Variants in LOXL4 observed in about 807,000 individuals in gnomAD.
LOXL4 encodes the protein lysyl oxidase homolog 4.
In LOXL4, 72 loss-of-function variants were observed where a neutral mutation model predicts 89.1. The ratio of observed to expected loss-of-function variants is 0.81; its 90% CI spans 0.67 to 0.98. The LOEUF (loss-of-function observed/expected upper bound fraction) is 0.98. LOXL4 is among the 50% of genes least tolerant of loss of function. LOXL4 has a pLI of 0.00. For synonymous variants in LOXL4, 355 were observed against 392.1 expected (o/e 0.91, Z 1.12); for missense variants, 984 against 1,017.5 (o/e 0.97, Z 0.45).
rs1858108969 is a variant in LOXL4, at chr10:98,248,885, T to C, written c.*36A>G. Reference sequence around the variant, plus strand: ...GGCTCCAATAAGCTGAGGTATCTGGTGTATCGGCAGCAGCTAGGAGTGTGC... The same window carrying C: ...GGCTCCAATAAGCTGAGGTATCTGGCGTATCGGCAGCAGCTAGGAGTGTGC... On this transcript the variant is annotated 3_prime_UTR_variant, in exon 15 of 15. Coordinates refer to ENST00000260702, the MANE Select transcript of LOXL4 (RefSeq NM_032211.7). 1 of 1,573,322 alleles carries C rather than the reference T, an allele frequency of 6.4e-7. No individual in the cohort carries two copies. The highest frequency in any genetic ancestry group is 1.1e-5 in the South Asian group (1 of 88,154).
At position 98,259,390 on chromosome 10, in the gene LOXL4, C is replaced by T. The variant is rs1427030196; in HGVS notation, c.701+1G>A. 1.2e-6 allele frequency: 2 copies of T among 1,613,174 alleles called. No individual in the cohort carries two copies. The highest frequency in any genetic ancestry group is 1.7e-6 in the Non-Finnish European group (2 of 1,179,834). On this transcript the variant is annotated splice_donor_variant, in intron 5 of 14. Coordinates refer to ENST00000260702, the MANE Select transcript of LOXL4 (RefSeq NM_032211.7). LOFTEE classifies it high-confidence loss of function. ...CCTCCCTCTAGGGTGCTGCTCCTCACCTAGACTTAGGGTCCCTCATCTTCA... is the reference window on the plus strand; with the variant it reads ...CCTCCCTCTAGGGTGCTGCTCCTCATCTAGACTTAGGGTCCCTCATCTTCA...
At position 98,251,559 on chromosome 10, in the gene LOXL4, G is replaced by A. The variant is rs982887736; in HGVS notation, c.2088+7C>T. ...AGGCTCTGTGGGGAATCCCCCAGCC[G>A]CCTTACCTGGAAGATATAATTCCCG... On this transcript the variant is annotated splice_region_variant and intron_variant, in intron 13 of 14. Coordinates refer to ENST00000260702, the MANE Select transcript of LOXL4 (RefSeq NM_032211.7). The A allele has an allele frequency of 1.7e-5, 27 of 1,613,694 alleles. 1 individual carries two copies. The highest frequency in any genetic ancestry group is 1.7e-5 in the Non-Finnish European group (20 of 1,179,882).
chr10:98,261,144 C>T lies in LOXL4; in HGVS notation c.457-17G>A, dbSNP rs1463314853. On this transcript the variant is annotated splice_polypyrimidine_tract_variant and intron_variant, in intron 3 of 14. Transcript: ENST00000260702. ...CCGCCGGCCCTGCGGGGTGCACAGT[C>T]ACCTGTGGGCCTCGGGGCTCCTGCT... 6.2e-7 allele frequency: 1 copy of T among 1,607,378 alleles called. No individual in the cohort carries two copies. The highest frequency in any genetic ancestry group is 1.3e-5 in the African/African-American group (1 of 74,924).
intron 1 of LOXL4, among the ~76,000 whole-genome samples, chr10:98,267,450 G>C (rs1393113246): frequency 1.3e-5 from 2 of 152,186 alleles, no homozygotes; most frequent in Admixed American, 6.5e-5. Context: ...GCAAATGCCC[G>C]AGTATTCAAG....
chr10:98,254,554 T>C (rs533068687), intron 10 of LOXL4, among the ~76,000 whole-genome samples: 1 of 152,068 alleles, frequency 6.6e-6, no homozygotes, highest in East Asian at 1.9e-4. Flanking sequence ...TCAGAGAGAA[T>C]GAGAAGAGAG....
intron 1 of LOXL4, 22 bp from the exon 2 acceptor site, chr10:98,263,073 C>T (rs1055108799): frequency 2.1e-5 from 33 of 1,579,624 alleles, no homozygotes; most frequent in Middle Eastern, 1.7e-4. Context: ...GTAAACATGA[C>T]AGTGATCACC....
Position 98,259,439 on chromosome 10 carries a change from G to C in LOXL4, c.663-10C>G. On this transcript the variant is annotated splice_polypyrimidine_tract_variant and intron_variant, in intron 4 of 14. Coordinates refer to ENST00000260702, the MANE Select transcript of LOXL4 (RefSeq NM_032211.7). ...CAGATCCCAGACTTTCCTGTTATGG[G>C]AGAAAACAGATAGGAGGTGGAAGGG... is the stretch of plus-strand genomic sequence containing the variant. The C allele has an allele frequency of 6.2e-7, 1 of 1,612,508 alleles. No homozygotes were observed. The highest frequency in any genetic ancestry group is 8.5e-7 in the Non-Finnish European group (1 of 1,179,358).
chr10:98,251,527 G>A lies in LOXL4; in HGVS notation c.2088+39C>T, dbSNP rs749729469. The A allele has an allele frequency of 6.2e-6, 10 of 1,608,196 alleles. No individual in the cohort carries two copies. In the South Asian group the frequency reaches 1.1e-4, roughly 18 times the overall value. ...CAGGGAAAGTTGTGGAACATCTGGAGGAAATCAGGCTCTGTGGGGAATCCC... is the reference window on the plus strand; with the variant it reads ...CAGGGAAAGTTGTGGAACATCTGGAAGAAATCAGGCTCTGTGGGGAATCCC... On this transcript the variant is annotated intron_variant, in intron 13 of 14. Coordinates refer to ENST00000260702, the MANE Select transcript of LOXL4 (RefSeq NM_032211.7).
Position 98,252,410 on chromosome 10 carries a change from T to C in LOXL4, c.1894A>G (p.Lys632Glu). The change falls in exon 12 of 15, where the codon AAG becomes GAG. Residue 632 changes from lysine to glutamate, a missense_variant. Transcript: ENST00000260702. ...HYDLLTLNGS[K>E]VAEGHKASFC... ...CTGGCCTTGTGCCCCTCAGCCACCT[T>C]GGAGCCATTGAGAGTGAGGAGGTCG... 6.2e-7 allele frequency: 1 copy of C among 1,614,096 alleles called. No individual in the cohort carries two copies. Among genetic ancestry groups the C allele is most frequent in the East Asian group, 2.2e-5 (1 of 44,868 alleles).
At chr10:98,250,456 G>A (rs898791690) in intron 14 of LOXL4, among the ~76,000 whole-genome samples, 1 of 152,148 alleles carries the variant, frequency 6.6e-6, no homozygotes, top group African/African-American at 2.4e-5. Context: ...CCATCCCACC[G>A]CACATATGCA....
At chr10:98,251,198 C>T in intron 13 of LOXL4, 22 bp from the exon 14 acceptor site, 1 of 1,551,154 alleles carries the variant, frequency 6.4e-7, no homozygotes, top group Non-Finnish European at 8.9e-7. Context: ...GAGGGGACAA[C>T]TGAAAATGGG....
chr10:98,253,652 C>A lies in LOXL4; in HGVS notation c.1736G>T (p.Arg579Leu). 1 of 1,614,194 alleles carries A rather than the reference C, an allele frequency of 6.2e-7. No individual in the cohort carries two copies. The highest frequency in any genetic ancestry group is 1.3e-5 in the African/African-American group (1 of 75,036). ...ADHMDWPYGY[R>L]RLLRFSTQIY... ...CTGTGTGGAGAAGCGCAATAGGCGGCGGTATCCGTAGGGCCAGTCCATGTG... is the reference window on the plus strand; with the variant it reads ...CTGTGTGGAGAAGCGCAATAGGCGGAGGTATCCGTAGGGCCAGTCCATGTG... Residue 579 changes from arginine (R) to leucine (L), a missense_variant, in exon 11 of 15, where the codon CGC (arginine) becomes CTC (leucine). By Grantham distance (102) the Arg-to-Leu change is moderately radical (BLOSUM62 -2). Coordinates refer to ENST00000260702, the MANE Select transcript of LOXL4 (RefSeq NM_032211.7).
rs1858726762 is a variant in LOXL4, at chr10:98,268,160, G to C, written c.-61C>G. 6.6e-6 allele frequency: 1 copy of C among 152,034 alleles called. No individual in the cohort carries two copies. Among genetic ancestry groups the C allele is most frequent in the Admixed American group, 6.5e-5 (1 of 15,276 alleles). The allele number at this position is 152,034 out of a possible 1,614,324, so 9.4% of individuals were successfully genotyped here. A position where few individuals can be genotyped will look rare whatever the true frequency, so the allele number is the denominator to read the frequency against. On this transcript the variant is annotated 5_prime_UTR_variant, in exon 1 of 15. Transcript: ENST00000260702. ...ATGGAGCGCGGACAGTCCGGGGCTG[G>C]GCGGGCGCCGCGGCGGAGCAGCGCT...
At chr10:98,259,275 G>A (rs1268110877) in intron 5 of LOXL4, 47 bp from the exon 6 acceptor site, 5 of 1,586,918 alleles carry the variant, frequency 3.2e-6, no homozygotes, top group East Asian at 4.5e-5. Flanking sequence ...TGAGGGAAGA[G>A]CTTCAGGACT....
At chr10:98,259,497 C>T in intron 4 of LOXL4, 68 bp from the exon 5 acceptor site, 4 of 1,381,170 alleles carry the variant, frequency 2.9e-6, no homozygotes, top group East Asian at 2.3e-5. Context: ...CACCTGGTTC[C>T]TCATAGTTGT....
Position 98,262,396 on chromosome 10 carries a change from G to A in LOXL4, c.278-183C>T, listed in dbSNP as rs1858570223. Among the ~76,000 whole-genome samples the A allele has an allele frequency of 2.6e-5, 4 of 152,312 alleles. No homozygotes were observed. The South Asian group carries it at 8.3e-4, about 32-fold the overall frequency. ...ATAACCCTGCCTGCTACCTCCTTTGGGTGCTGGCTCTTAGAGAATCTGTTT... is the reference window on the plus strand; with the variant it reads ...ATAACCCTGCCTGCTACCTCCTTTGAGTGCTGGCTCTTAGAGAATCTGTTT... On this transcript the variant is annotated intron_variant, in intron 2 of 14. Coordinates refer to ENST00000260702, the MANE Select transcript of LOXL4 (RefSeq NM_032211.7).
At position 98,248,945 on chromosome 10, in the gene LOXL4, C is replaced by T; in HGVS notation, c.2247G>A (p.Gln749=). The part of the protein sequence containing the change: ...ANAELSLEQE[Q]RLRNNLI ...TTCAGATGAGGTTGTTCCTGAGACG[C>T]TGTTCCTGCTCCAGGGAGAGTTCTG... The change falls in exon 15 of 15, where the codon CAG becomes CAA. Residue 749 remains glutamine (Q), a synonymous_variant. Coordinates refer to ENST00000260702, the MANE Select transcript of LOXL4 (RefSeq NM_032211.7). The T allele has an allele frequency of 6.2e-7, 1 of 1,613,932 alleles. No individual in the cohort carries two copies.
In LOXL4 at chr10:98,259,411, C is replaced by T; in HGVS notation, c.681G>A (p.Lys227=). Residue 227 remains lysine, a synonymous_variant, in exon 5 of 15, where the codon AAG becomes AAA. Coordinates refer to ENST00000260702, the MANE Select transcript of LOXL4 (RefSeq NM_032211.7). The part of the protein sequence containing the change: ...SHYYRKVWDL[K]MRDPKSRLKS... Reference sequence around the variant, plus strand: ...CTCACCTAGACTTAGGGTCCCTCATCTTCAGATCCCAGACTTTCCTGTTAT... The same window carrying T: ...CTCACCTAGACTTAGGGTCCCTCATTTTCAGATCCCAGACTTTCCTGTTAT... 3 of 1,613,342 alleles carry T rather than the reference C, an allele frequency of 1.9e-6. No homozygotes were observed. Among genetic ancestry groups the T allele is most frequent in the Non-Finnish European group, 2.5e-6 (3 of 1,179,818 alleles).
chr10:98,255,771 G>A lies in LOXL4; in HGVS notation c.1429-32C>T, dbSNP rs765754108. 2.8e-5 allele frequency: 45 copies of A among 1,595,342 alleles called. No individual in the cohort carries two copies. In the East Asian group the frequency reaches 2.9e-4, roughly 10 times the overall value. On this transcript the variant is annotated intron_variant, in intron 9 of 14. Coordinates refer to ENST00000260702, the MANE Select transcript of LOXL4 (RefSeq NM_032211.7). ...AGACAGCCAGCGTCACCCAGTCAGC[G>A]TGCCTTTGGAGTCACCTCCTGACTC...
Sources: gnomAD v4.1 joint callset for allele counts (sites outside exome capture counted in the v4.1 genomes callset) on GRCh38, gnomAD v4.1.1 for gene constraint, MANE v1.5 for transcripts, NCBI Gene and HGNC (gene_info 2026-07-23, HGNC 2026-07-21) for gene names.